KANK1: variants seen among roughly 807,000 people sequenced by gnomAD.
KANK1 encodes the protein KN motif and ankyrin repeat domain-containing protein 1.
A neutral mutation model predicts 106.2 loss-of-function variants in KANK1; 109 were observed. The observed-to-expected ratio is 1.03, with a 90% CI of 0.88 to 1.20. KANK1 has a LOEUF of 1.20. Among genes scored for constraint, KANK1 ranks in the 50% most tolerant of loss-of-function variants. The pLI is 0.00. For missense variants in KANK1, 2,399 were observed against 1,710.7 expected (o/e 1.40, Z -7.10); for synonymous variants, 873 against 652.2 (o/e 1.34, Z -5.16).
chr9:555,192 A>C (rs2061507397), intron 1 of KANK1, among the ~76,000 whole-genome samples: 3 of 152,200 alleles, frequency 2.0e-5, no homozygotes, highest in Admixed American at 2.0e-4. Flanking sequence ...ATCCCTGAGA[A>C]AGCCATTTCC....
chr9:688,415 G>A (rs1281014848), intron 2 of KANK1, among the ~76,000 whole-genome samples: 5 of 152,172 alleles, frequency 3.3e-5, no homozygotes, highest in Non-Finnish European at 5.9e-5. Flanking sequence ...AGATCTGCCT[G>A]GCCAACGGGG....
rs778683325 is a variant in KANK1, at chr9:684,634, G to C, written c.37+7625G>C. Reference sequence around the variant, plus strand: ...CCCCTCTTTCTTGAATGAGTTGGGTGGGCTAGCTGAGCCCATCAAAGGTAT... The same window carrying C: ...CCCCTCTTTCTTGAATGAGTTGGGTCGGCTAGCTGAGCCCATCAAAGGTAT... On this transcript the variant is annotated intron_variant, in intron 2 of 11. Coordinates refer to ENST00000382297, the MANE Select transcript of KANK1 (RefSeq NM_015158.5). 7.5e-4 allele frequency: 721 copies of C among 961,776 alleles called. 2 individuals are homozygous for C. Among genetic ancestry groups the C allele is most frequent in the Non-Finnish European group, 8.3e-4 (672 of 808,536 alleles). 59.6% of individuals were successfully genotyped at this position (961,776 alleles called of 1,614,324 possible).
At chr9:537,649 T>G (rs1432198503) in intron 1 of KANK1, among the ~76,000 whole-genome samples, 2 of 152,170 alleles carry the variant, frequency 1.3e-5, no homozygotes, top group African/African-American at 2.4e-5. Flanking sequence ...ACCTGTGCCA[T>G]TCGGAGCAGT....
intron 3 of KANK1, among the ~76,000 whole-genome samples, chr9:484,929 A>G (rs907459597): frequency 4.1e-5 from 6 of 147,882 alleles, no homozygotes. Flanking sequence ...TCTGCCATGG[A>G]GAATGCAAAA....
Position 713,195 on chromosome 9 carries a change from AC to A in KANK1, c.2434del (p.Gln812SerfsTer8). The A allele has an allele frequency of 6.3e-7, 1 of 1,584,574 alleles. No homozygotes were observed. The highest frequency in any genetic ancestry group is 8.6e-7 in the Non-Finnish European group (1 of 1,165,540). On this transcript the variant is annotated frameshift_variant, in exon 3 of 12. Coordinates refer to ENST00000382297, the MANE Select transcript of KANK1 (RefSeq NM_015158.5). LOFTEE classifies it high-confidence loss of function. ...GDDPVGESLE[N>X]PQPQAPLGMM... ...GACCCTGTAGGGGAATCTCTGGAGA[AC>A]CCCCAGCCTCAAGCTCCACTTGGAA...
intron 1 of KANK1, among the ~76,000 whole-genome samples, chr9:676,564 T>C (rs1161904209): frequency 1.3e-5 from 2 of 152,204 alleles, no homozygotes; most frequent in Non-Finnish European, 2.9e-5. Flanking sequence ...AAACCAAAAA[T>C]ATTTCGTAGA....
At chr9:572,933 A>G (rs927348716) in intron 1 of KANK1, among the ~76,000 whole-genome samples, 3 of 152,208 alleles carry the variant, frequency 2.0e-5, no homozygotes, top group African/African-American at 7.2e-5. Flanking sequence ...CATACTTTGC[A>G]GTCTCATTAC....
intron 1 of KANK1, among the ~76,000 whole-genome samples, chr9:562,987 C>A (rs966924441): frequency 6.6e-6 from 1 of 152,160 alleles, no homozygotes; most frequent in Non-Finnish European, 1.5e-5. Flanking sequence ...TTCATTCTTA[C>A]AAGCAGGGAA....
At chr9:563,084 A>C (rs80187237) in intron 1 of KANK1, among the ~76,000 whole-genome samples, 1 of 152,148 alleles carries the variant, frequency 6.6e-6, no homozygotes, top group Non-Finnish European at 1.5e-5. Context: ...GATTAGATCA[A>C]GTACTCTTTT....
intron 1 of KANK1, among the ~76,000 whole-genome samples, chr9:572,303 G>A (rs1029758912): frequency 6.6e-6 from 1 of 151,890 alleles, no homozygotes; most frequent in Non-Finnish European, 1.5e-5. Context: ...CTACTTGCTT[G>A]TGCTGCCATA....
chr9:581,851 C>G (rs941533041), intron 1 of KANK1, among the ~76,000 whole-genome samples: 2 of 152,128 alleles, frequency 1.3e-5, no homozygotes, highest in African/African-American at 4.8e-5. Flanking sequence ...TCCAGCCATC[C>G]TCCTGGGGTT....
chr9:494,802 T>G (rs2058433680), intron 3 of KANK1, among the ~76,000 whole-genome samples: 1 of 152,028 alleles, frequency 6.6e-6, no homozygotes, highest in African/African-American at 2.4e-5. Flanking sequence ...GGAATTTAAA[T>G]TCCAGTTTTT....
intron 2 of KANK1, among the ~76,000 whole-genome samples, chr9:688,819 T>C (rs542577515): frequency 1.3e-5 from 2 of 152,254 alleles, no homozygotes; most frequent in African/African-American, 2.4e-5. Context: ...AGTTGGTTCC[T>C]TTTGTCTCAG....
rs549692872 is a variant in KANK1, at chr9:598,469, A to G, written c.-83-78421A>G. ...TTGGAGTAATATTGTCATCTTAACAATATTAAGACTTCCAATCCATGAATA... is the reference window on the plus strand; with the variant it reads ...TTGGAGTAATATTGTCATCTTAACAGTATTAAGACTTCCAATCCATGAATA... On this transcript the variant is annotated intron_variant, in intron 1 of 11. Transcript: ENST00000382297. Among the ~76,000 whole-genome samples, 16 of 151,578 alleles carry G rather than the reference A, an allele frequency of 1.1e-4. 1 individual carries two copies. In the South Asian group the frequency reaches 3.3e-3, roughly 31 times the overall value.
intron 3 of KANK1, among the ~76,000 whole-genome samples, chr9:490,318 C>A (rs2058356888): frequency 6.6e-6 from 1 of 151,930 alleles, no homozygotes; most frequent in South Asian, 2.1e-4. Flanking sequence ...CCATCCTGGG[C>A]AACAAAGTGA....
chr9:639,587 G>C (rs984459730), intron 1 of KANK1, among the ~76,000 whole-genome samples: 1 of 152,096 alleles, frequency 6.6e-6, no homozygotes, highest in Non-Finnish European at 1.5e-5. Context: ...AAAGTTCTGG[G>C]ATTACAGGCA....
At chr9:511,262 T>C (rs535410340) in intron 1 of KANK1, among the ~76,000 whole-genome samples, 1 of 152,312 alleles carries the variant, frequency 6.6e-6, no homozygotes, top group African/African-American at 2.4e-5. Flanking sequence ...GTGGCAGTGC[T>C]TGACACATAA....
chr9:699,609 A>T (rs1000095941), intron 2 of KANK1, among the ~76,000 whole-genome samples: 4 of 152,212 alleles, frequency 2.6e-5, no homozygotes, highest in African/African-American at 9.7e-5. Context: ...ACGAAGCAAG[A>T]CCACATTCTA....
intron 1 of KANK1, among the ~76,000 whole-genome samples, chr9:534,592 AT>A (rs993803616): frequency 2.0e-5 from 3 of 152,148 alleles, no homozygotes; most frequent in African/African-American, 4.8e-5. Flanking sequence ...TCCTAGCGTG[AT>A]TTTTTCCCCC....
Sources: gnomAD v4.1 joint callset for allele counts (sites outside exome capture counted in the v4.1 genomes callset) on GRCh38, gnomAD v4.1.1 for gene constraint, MANE v1.5 for transcripts, NCBI Gene and HGNC (gene_info 2026-07-23, HGNC 2026-07-21) for gene names.